Variants in ANKRD46 observed in about 807,000 individuals in gnomAD.
The protein encoded by ANKRD46 is ankyrin repeat domain-containing protein 46.
ANKRD46 carries 13 observed loss-of-function variants against 19.8 expected under a neutral mutation model. The ratio of observed to expected loss-of-function variants is 0.66; its 90% CI spans 0.43 to 1.04. The LOEUF (loss-of-function observed/expected upper bound fraction) is 1.04. Among genes scored for constraint, ANKRD46 ranks in the 50% least tolerant of loss-of-function variants. The probability of loss-of-function intolerance (pLI) is 0.00; values close to 1 mark genes in which losing one functional copy is unlikely to be tolerated. For missense variants in ANKRD46, 185 were observed against 274.8 expected, an observed-to-expected ratio of 0.67 and a Z score of 2.31; for synonymous variants, 91 against 106.9, an observed-to-expected ratio of 0.85 and a Z score of 0.92.
chr8:100,545,398 A>C lies in ANKRD46; in HGVS notation c.-130-12087T>G, dbSNP rs1812253142. On this transcript the variant is annotated intron_variant, in intron 1 of 4. Transcript: ENST00000335659. This position sits in a 1 kb window ranked among gnomAD's most constrained non-coding sequence, Gnocchi z 4.7. ...AGGGAGGGCTCATAAATAAGATCAG[A>C]CGGTTTTAAAATTGGTCGTTTCCCC... Among the ~76,000 whole-genome samples the C allele has an allele frequency of 6.6e-6, 1 of 151,948 alleles. No individual in the cohort carries two copies. The highest frequency in any genetic ancestry group is 1.5e-5 in the Non-Finnish European group (1 of 67,966).
At chr8:100,528,591 T>A (rs1410833754) in intron 3 of ANKRD46, among the ~76,000 whole-genome samples, 1 of 151,642 alleles carries the variant, frequency 6.6e-6, no homozygotes, top group East Asian at 1.9e-4. Flanking sequence ...TAAATCTAGT[T>A]CTAGATTCAT....
chr8:100,513,019 A>T (rs543660937), intron 5 of ANKRD46, among the ~76,000 whole-genome samples: 1 of 152,304 alleles, frequency 6.6e-6, no homozygotes, highest in African/African-American at 2.4e-5. Flanking sequence ...GGAAGGTTCT[A>T]TGGGGTCTTA....
chr8:100,556,528 A>G (rs1256730903), intron 1 of ANKRD46: 3 of 152,234 alleles, frequency 2.0e-5, no homozygotes, highest in Non-Finnish European at 4.4e-5. Flanking sequence ...GAACGACTAC[A>G]GTGCTTTCAA....
chr8:100,529,033 TAGAGTC>T lies in ANKRD46; in HGVS notation c.311+484_311+489del, dbSNP rs931532136. 6.6e-6 allele frequency among the ~76,000 whole-genome samples: 1 copy of T among 152,226 alleles called. No homozygotes were observed. The highest frequency in any genetic ancestry group is 2.4e-5 in the African/African-American group (1 of 41,470). ...TACATGACAGAAGGCACACAAGCGT[TAGAGTC>T]AGCGGAACTAGGTTCAAATTCCAGC... is the stretch of plus-strand genomic sequence containing the variant. On this transcript the variant is annotated intron_variant, in intron 3 of 4. Transcript: ENST00000335659. The surrounding 1 kb of genome is among the most constrained non-coding windows in gnomAD (Gnocchi z 5.8).
At chr8:100,551,844 T>C (rs1812397382) in intron 1 of ANKRD46, 1 of 345,772 alleles carries the variant, frequency 2.9e-6, no homozygotes, top group East Asian at 7.0e-5. Flanking sequence ...GTCTTCATCA[T>C]ATATGTCTTT....
At position 100,511,801 on chromosome 8, in the gene ANKRD46, A is replaced by C. The variant is rs1407116839; in HGVS notation, c.637-1162T>G. Among the ~76,000 whole-genome samples, 1 of 152,230 alleles carries C rather than the reference A, an allele frequency of 6.6e-6. No homozygotes were observed. ...CACTTTGGGAGGTCAATGCGGGCAGATCACTTGAGGTCAGGAGTTCGAGAC... is the reference window on the plus strand; with the variant it reads ...CACTTTGGGAGGTCAATGCGGGCAGCTCACTTGAGGTCAGGAGTTCGAGAC... On this transcript the variant is annotated intron_variant, in intron 5 of 5. Coordinates refer to the ANKRD46 transcript ENST00000520552. The surrounding 1 kb of genome is among the most constrained non-coding windows in gnomAD (Gnocchi z 4.1).
rs909217810 is a variant in ANKRD46 at position 100,546,144 on chromosome 8, G to C, written c.-130-12833C>G. 6.6e-6 allele frequency among the ~76,000 whole-genome samples: 1 copy of C among 152,224 alleles called. No homozygotes were observed. The highest frequency in any genetic ancestry group is 2.4e-5 in the African/African-American group (1 of 41,454). The stretch of plus-strand genomic sequence containing the variant: ...CCCCATTTTCTGGGGAGAAACTCAA[G>C]CATGCTACAGAAATTTGCCTAAATA... On this transcript the variant is annotated intron_variant, in intron 1 of 4. Transcript: ENST00000335659. The surrounding 1 kb of genome is among the most constrained non-coding windows in gnomAD (Gnocchi z 4.0).
chr8:100,523,807 C>T (rs1811781964), intron 4 of ANKRD46, among the ~76,000 whole-genome samples: 1 of 152,076 alleles, frequency 6.6e-6, no homozygotes, highest in African/African-American at 2.4e-5. Context: ...CCATGGCTGG[C>T]TAATTTTTGT....
chr8:100,551,389 C>T (rs1031550261), intron 1 of ANKRD46: 8 of 601,692 alleles, frequency 1.3e-5, no homozygotes, highest in Non-Finnish European at 2.5e-5. Flanking sequence ...TTAAGTGAGC[C>T]CCAGCCTTCT....
intron 5 of ANKRD46, among the ~76,000 whole-genome samples, chr8:100,513,470 T>A (rs1448679726): frequency 6.6e-6 from 1 of 152,240 alleles, no homozygotes; most frequent in Non-Finnish European, 1.5e-5. Flanking sequence ...TTCCTATTAT[T>A]TGTTTTAAAC....
chr8:100,519,114 A>C (rs192093379), downstream of ANKRD46, among the ~76,000 whole-genome samples: 1 of 152,190 alleles, frequency 6.6e-6, no homozygotes, highest in Non-Finnish European at 1.5e-5. Flanking sequence ...CACTTCTAAA[A>C]CCATTAGTCC....
intron 4 of ANKRD46, among the ~76,000 whole-genome samples, chr8:100,526,041 CTG>C (rs1317439208): frequency 6.6e-6 from 1 of 152,104 alleles, no homozygotes; most frequent in Non-Finnish European, 1.5e-5. Context: ...TACCATGACA[CTG>C]AGGGGTAGGA....
rs183905204 is a variant in ANKRD46 at position 100,527,574 on chromosome 8, T to C, written c.470+271A>G. On this transcript the variant is annotated intron_variant, in intron 4 of 4. Coordinates refer to ENST00000335659, the MANE Select transcript of ANKRD46 (RefSeq NM_001270377.2). This position sits in a 1 kb window ranked among gnomAD's most constrained non-coding sequence, Gnocchi z 4.0. The stretch of plus-strand genomic sequence containing the variant: ...CATGACATGTAGTACTTTCTGTTAA[T>C]AGCTTCTCAATTGTAATCTGCAGTC... 4.9e-4 allele frequency among the ~76,000 whole-genome samples: 74 copies of C among 152,382 alleles called. No individual in the cohort carries two copies. Among genetic ancestry groups the C allele is most frequent in the Admixed American group, 4.3e-3 (66 of 15,304 alleles).
chr8:100,540,949 G>T (rs1295037598), intron 1 of ANKRD46, among the ~76,000 whole-genome samples: 1 of 150,694 alleles, frequency 6.6e-6, no homozygotes, highest in Non-Finnish European at 1.5e-5. Flanking sequence ...AGTTGCAACA[G>T]CACTTTATTT....
rs923714700 is a variant in ANKRD46, at chr8:100,532,293, AC to A, written c.-28+915del. ...ACTAGCCTGGGCAACATAGCGAGAGACCCTGTCTCTATAAAATATTTTAAAA... is the reference window on the plus strand; with the variant it reads ...ACTAGCCTGGGCAACATAGCGAGAGACCTGTCTCTATAAAATATTTTAAAA... On this transcript the variant is annotated intron_variant, in intron 2 of 4. Transcript: ENST00000335659. This position sits in a 1 kb window ranked among gnomAD's most constrained non-coding sequence, Gnocchi z 4.7. 42 of 152,024 alleles carry A rather than the reference AC, an allele frequency of 2.8e-4. No homozygotes were observed. The highest frequency in any genetic ancestry group is 1.0e-3 in the African/African-American group (42 of 41,368). The allele number at this position is 152,024 out of a possible 1,614,324, so 9.4% of individuals were successfully genotyped here.
rs1812366020 is a variant in ANKRD46, at chr8:100,550,620, A to G, written c.-131+9091T>C. The G allele has an allele frequency of 4.9e-6, 1 of 204,388 alleles. No homozygotes were observed. The highest frequency in any genetic ancestry group is 8.7e-5 in the South Asian group (1 of 11,536). 12.7% of individuals were successfully genotyped at this position (204,388 alleles called of 1,614,324 possible). A position where few individuals can be genotyped will look rare whatever the true frequency, so the allele number is the denominator to read the frequency against. On this transcript the variant is annotated intron_variant, in intron 1 of 4. Coordinates refer to ENST00000335659, the MANE Select transcript of ANKRD46 (RefSeq NM_001270377.2). This position sits in a 1 kb window ranked among gnomAD's most constrained non-coding sequence, Gnocchi z 4.4. ...TCTGCATGGAAACTGTGAAGAGGGGAGATTCCCAGTGTGGTGGGGGACTGA... is the reference window on the plus strand; with the variant it reads ...TCTGCATGGAAACTGTGAAGAGGGGGGATTCCCAGTGTGGTGGGGGACTGA...
chr8:100,547,634 T>C (rs574531370), intron 1 of ANKRD46, among the ~76,000 whole-genome samples: 7 of 152,082 alleles, frequency 4.6e-5, no homozygotes, highest in Non-Finnish European at 2.9e-5. Flanking sequence ...AAAAATAGAA[T>C]AAAATAAAAC....
At chr8:100,518,544 T>G (rs868585991), downstream of ANKRD46, among the ~76,000 whole-genome samples, 16 of 152,220 alleles carry the variant, frequency 1.1e-4, no homozygotes, top group Non-Finnish European at 1.9e-4. Flanking sequence ...CTTGGAAAAT[T>G]CATGATACAT....
At chr8:100,551,829 T>A (rs1265929408) in intron 1 of ANKRD46, 2 of 384,398 alleles carry the variant, frequency 5.2e-6, no homozygotes, top group Non-Finnish European at 9.9e-6. Flanking sequence ...GTATTTTGGA[T>A]AACAGTCTTC....
Sources: allele counts gnomAD v4.1 joint callset (sites outside exome capture counted in the v4.1 genomes callset), GRCh38; gene constraint gnomAD v4.1.1; non-coding constraint Gnocchi (gnomAD v3.1); transcripts MANE v1.5; gene names NCBI Gene and HGNC (gene_info 2026-07-23, HGNC 2026-07-21).